Variants in COL21A1 observed in about 807,000 individuals in gnomAD.
COL21A1 encodes the protein collagen type XXI alpha 1 chain.
A neutral mutation model predicts 137.9 loss-of-function variants in COL21A1; 149 were observed. That is an observed-to-expected ratio of 1.08 (90% CI 0.95 to 1.24). The LOEUF (loss-of-function observed/expected upper bound fraction) is 1.24. Among genes scored for constraint, COL21A1 ranks in the 50% most tolerant of loss-of-function variants. COL21A1 has a pLI of 0.00. For missense variants in COL21A1, 1,167 were observed against 1,158.4 expected (o/e 1.01, Z -0.11); for synonymous variants, 456 against 391.5 (o/e 1.16, Z -1.95).
At chr6:56,092,420 T>C (rs1768927328) in intron 17 of COL21A1, among the ~76,000 whole-genome samples, 1 of 152,176 alleles carries the variant, frequency 6.6e-6, no homozygotes, top group Non-Finnish European at 1.5e-5. Context: ...ATCATCCATT[T>C]AATTGCTTCA....
intron 10 of COL21A1, among the ~76,000 whole-genome samples, chr6:56,145,148 C>G (rs1582475141): frequency 6.6e-6 from 1 of 152,306 alleles, no homozygotes; most frequent in East Asian, 1.9e-4. Flanking sequence ...TGATTTAACT[C>G]TTTTCCAACA....
At chr6:56,123,197 A>G (rs182732415) in intron 16 of COL21A1, among the ~76,000 whole-genome samples, 2 of 152,362 alleles carry the variant, frequency 1.3e-5, no homozygotes, top group East Asian at 1.9e-4. Flanking sequence ...GTTCAATTAA[A>G]TAAGTGAGAA....
intron 1 of COL21A1, among the ~76,000 whole-genome samples, chr6:56,200,407 AACT>A (rs1779305319): frequency 6.7e-6 from 1 of 149,772 alleles, no homozygotes; most frequent in Non-Finnish European, 1.5e-5. Context: ...TGCACCCAGT[AACT>A]CATCATTTAA....
chr6:56,224,494 A>G (rs564443582), intron 1 of COL21A1, among the ~76,000 whole-genome samples: 1 of 152,104 alleles, frequency 6.6e-6, no homozygotes, highest in Non-Finnish European at 1.5e-5. Flanking sequence ...CAAAAATACT[A>G]TTTTAATGCT....
chr6:56,178,730 T>C (rs1335251595), intron 3 of COL21A1, among the ~76,000 whole-genome samples: 4 of 152,056 alleles, frequency 2.6e-5, no homozygotes, highest in African/African-American at 9.7e-5. Context: ...TTACCAAAAC[T>C]GGGACCTTCC....
chr6:56,359,916 A>G (rs1431690185), intron 1 of COL21A1, among the ~76,000 whole-genome samples: 1 of 141,846 alleles, frequency 7.0e-6, no homozygotes, highest in African/African-American at 2.5e-5. Flanking sequence ...TTCTGCAAAG[A>G]GTCATTGCAA....
At chr6:56,297,982 C>G (rs192670250) in intron 1 of COL21A1, among the ~76,000 whole-genome samples, 11 of 152,098 alleles carry the variant, frequency 7.2e-5, no homozygotes, top group African/African-American at 2.4e-4. Context: ...TGACAAAATC[C>G]TGGTGTGGAA....
At chr6:56,330,797 T>C (rs1765202975) in intron 1 of COL21A1, among the ~76,000 whole-genome samples, 1 of 152,104 alleles carries the variant, frequency 6.6e-6, no homozygotes, top group Non-Finnish European at 1.5e-5. Flanking sequence ...TCAAGGTTTA[T>C]TTTTCTTTGG....
chr6:56,065,576 G>A (rs1385482170), intron 23 of COL21A1, among the ~76,000 whole-genome samples: 1 of 151,980 alleles, frequency 6.6e-6, no homozygotes, highest in Non-Finnish European at 1.5e-5. Flanking sequence ...GGTAGGGAAT[G>A]TGACTCATCC....
chr6:56,260,585 A>AAGAAGAAGAAGAAG (rs1430065674), intron 1 of COL21A1, among the ~76,000 whole-genome samples: 1 of 91,836 alleles, frequency 1.1e-5, no homozygotes, highest in African/African-American at 3.6e-5. Flanking sequence ...AAAAAAAAAG[A>AAGAAGAAGAAGAAG]AAGAAGAAGA....
chr6:56,316,892 C>T (rs1764752418), intron 1 of COL21A1, among the ~76,000 whole-genome samples: 1 of 151,988 alleles, frequency 6.6e-6, no homozygotes, highest in East Asian at 1.9e-4. Flanking sequence ...TTAGGGTGTA[C>T]AAAATTTCAA....
chr6:56,277,580 T>A (rs188902994), intron 1 of COL21A1, among the ~76,000 whole-genome samples: 98 of 152,340 alleles, frequency 6.4e-4, no homozygotes, highest in African/African-American at 2.1e-3. Flanking sequence ...TCATTCCTGT[T>A]AAGAGTGGCA....
chr6:56,320,996 T>C (rs1398298037), intron 1 of COL21A1, among the ~76,000 whole-genome samples: 5 of 152,128 alleles, frequency 3.3e-5, no homozygotes, highest in African/African-American at 9.7e-5. Context: ...TCAATATATA[T>C]TAATTGAAAA....
chr6:56,125,084 G>A (rs1487009264), intron 14 of COL21A1, among the ~76,000 whole-genome samples: 3 of 122,832 alleles, frequency 2.4e-5, no homozygotes, highest in African/African-American at 9.6e-5. Flanking sequence ...GCAGTGGCGT[G>A]ATCTTGGCTC....
chr6:56,263,973 C>G (rs1351835968), intron 1 of COL21A1, among the ~76,000 whole-genome samples: 8 of 58,464 alleles, frequency 1.4e-4, no homozygotes, highest in Non-Finnish European at 2.2e-4. Flanking sequence ...TACACAAACA[C>G]ACACACACAC....
chr6:56,260,010 A>G (rs896401257), intron 1 of COL21A1, among the ~76,000 whole-genome samples: 3 of 152,152 alleles, frequency 2.0e-5, no homozygotes, highest in African/African-American at 7.2e-5. Flanking sequence ...TCTCACATTA[A>G]CCTTTAGATT....
intron 9 of COL21A1, among the ~76,000 whole-genome samples, chr6:56,157,503 G>A (rs1166227442): frequency 6.6e-6 from 1 of 151,910 alleles, no homozygotes; most frequent in Non-Finnish European, 1.5e-5. Context: ...TAGAGATGGG[G>A]TTTCACCATG....
intron 1 of COL21A1, among the ~76,000 whole-genome samples, chr6:56,257,982 G>C (rs1488366497): frequency 1.3e-5 from 2 of 151,930 alleles, no homozygotes; most frequent in African/African-American, 4.8e-5. Flanking sequence ...TCTGGATTGA[G>C]ATTATGGATA....
intron 1 of COL21A1, among the ~76,000 whole-genome samples, chr6:56,388,294 G>A (rs963861282): frequency 6.6e-6 from 1 of 152,156 alleles, no homozygotes; most frequent in Non-Finnish European, 1.5e-5. Context: ...GGCCTTGGGT[G>A]AGACCCAGTA....
Sources: gnomAD v4.1 joint callset for allele counts (sites outside exome capture counted in the v4.1 genomes callset) on GRCh38, gnomAD v4.1.1 for gene constraint, MANE v1.5 for transcripts, NCBI Gene and HGNC (gene_info 2026-07-23, HGNC 2026-07-21) for gene names.